PTPN2: variants seen among roughly 807,000 people sequenced by gnomAD.
PTPN2 encodes the protein protein tyrosine phosphatase non-receptor type 2, also known as tyrosine-protein phosphatase non-receptor type 2.
A neutral mutation model predicts 57.3 loss-of-function variants in PTPN2; 19 were observed. That is an observed-to-expected ratio of 0.33 (90% CI 0.23 to 0.49). PTPN2 has a LOEUF of 0.49. Among genes scored for constraint, PTPN2 ranks in the 20% least tolerant of loss-of-function variants. The probability of loss-of-function intolerance (pLI) is 0.99; values close to 1 mark genes in which losing one functional copy is unlikely to be tolerated. For synonymous variants in PTPN2, 153 were observed against 164.9 expected, an observed-to-expected ratio of 0.93 and a Z score of 0.55; for missense variants, 358 against 501.1, an observed-to-expected ratio of 0.71 and a Z score of 2.73.
intron 2 of PTPN2, among the ~76,000 whole-genome samples, chr18:12,848,520 G>A (rs1036672019): frequency 6.6e-6 from 1 of 152,222 alleles, no homozygotes; most frequent in African/African-American, 2.4e-5. Context: ...TGAAGCTTCT[G>A]CCTTGCTCTC....
chr18:12,851,020 G>T (rs574577574), intron 2 of PTPN2, among the ~76,000 whole-genome samples: 1 of 152,198 alleles, frequency 6.6e-6, no homozygotes, highest in African/African-American at 2.4e-5. Context: ...GATTACAGGC[G>T]TGAGCCACAG....
At chr18:12,853,459 T>G (rs487273) in intron 2 of PTPN2, among the ~76,000 whole-genome samples, 118,744 of 152,130 alleles carry the variant, frequency 0.78, 47,080 homozygotes, top group Middle Eastern at 0.87. Flanking sequence ...ATTTTTAAAT[T>G]ACATAATGAC....
intron 2 of PTPN2, among the ~76,000 whole-genome samples, chr18:12,847,769 C>G (rs1311193418): frequency 6.6e-6 from 1 of 151,762 alleles, no homozygotes; most frequent in African/African-American, 2.4e-5. Context: ...ATTACAGATG[C>G]CAGCCACCAC....
chr18:12,793,315 T>G lies in PTPN2; in HGVS notation c.*963A>C. 3 of 975,042 alleles carry G rather than the reference T, an allele frequency of 3.1e-6. No individual in the cohort carries two copies. The highest frequency in any genetic ancestry group is 3.7e-6 in the Non-Finnish European group (3 of 820,032). 60.4% of individuals were successfully genotyped at this position (975,042 alleles called of 1,614,324 possible). A position where few individuals can be genotyped will look rare whatever the true frequency, so the allele number is the denominator to read the frequency against. ...AACTGAAAAGTGTTTACTTCAAAAC[T>G]TCAGTCTAGTAAACTGAAATTATGA... On this transcript the variant is annotated 3_prime_UTR_variant, in exon 9 of 9. Transcript: ENST00000309660.
In PTPN2 at chr18:12,826,317, C is replaced by T. The variant is rs566961061; in HGVS notation, c.361-373G>A. 1.1e-4 allele frequency among the ~76,000 whole-genome samples: 17 copies of T among 152,162 alleles called. No individual in the cohort carries two copies. In the South Asian group the frequency reaches 2.3e-3, roughly 20 times the overall value. On this transcript the variant is annotated intron_variant, in intron 4 of 8. Coordinates refer to ENST00000309660, the MANE Select transcript of PTPN2 (RefSeq NM_002828.4). ...ACTTGTGAGAGTGAGGCAGGAGAAT[C>T]GCTTGAACCCAGGAGGTGGAGGTTG...
At chr18:12,878,993 G>C (rs187782299) in intron 1 of PTPN2, among the ~76,000 whole-genome samples, 5 of 152,276 alleles carry the variant, frequency 3.3e-5, no homozygotes, top group South Asian at 4.1e-4. Context: ...CCTTCTCTCT[G>C]CCTTTCTCAA....
intron 4 of PTPN2, 129 bp downstream of exon 4, chr18:12,830,814 A>G (rs2042641782): frequency 4.9e-6 from 3 of 607,538 alleles, no homozygotes; most frequent in African/African-American, 3.7e-5. Context: ...GGACAGAAAC[A>G]CTTTGACCGC....
chr18:12,826,530 C>T (rs2042466592), intron 4 of PTPN2, among the ~76,000 whole-genome samples: 1 of 152,162 alleles, frequency 6.6e-6, no homozygotes, highest in Non-Finnish European at 1.5e-5. Flanking sequence ...ATTCCCACTC[C>T]AAGCCACAGG....
At chr18:12,878,477 C>T (rs1363697791) in intron 1 of PTPN2, among the ~76,000 whole-genome samples, 1 of 151,998 alleles carries the variant, frequency 6.6e-6, no homozygotes. Context: ...CAAGACCAGC[C>T]TGACAAACAT....
intron 1 of PTPN2, among the ~76,000 whole-genome samples, chr18:12,870,370 T>C (rs887910770): frequency 1.5e-5 from 1 of 68,208 alleles, no homozygotes; most frequent in African/African-American, 1.1e-4. Flanking sequence ...TATGTGTATA[T>C]ATACATATAT....
Position 12,817,216 on chromosome 18 carries a change from G to A in PTPN2, c.645C>T (p.His215=), listed in dbSNP as rs1180798384. 1 of 1,614,084 alleles carries A rather than the reference G, an allele frequency of 6.2e-7. No homozygotes were observed. Among genetic ancestry groups the A allele is most frequent in the Non-Finnish European group, 8.5e-7 (1 of 1,180,034 alleles). Residue 215 remains histidine, a synonymous_variant, in exon 6 of 9, where the codon CAC becomes CAT. Coordinates refer to ENST00000309660, the MANE Select transcript of PTPN2 (RefSeq NM_002828.4). ...LNPDHGPAVI[H]CSAGIGRSGT... ...CAGAGCGCCCAATGCCTGCACTACAGTGGATCACCGCAGGCCCATGGTCAG... is the reference window on the plus strand; with the variant it reads ...CAGAGCGCCCAATGCCTGCACTACAATGGATCACCGCAGGCCCATGGTCAG...
chr18:12,849,062 A>T (rs575075), intron 2 of PTPN2, among the ~76,000 whole-genome samples: 6,542 of 152,284 alleles, frequency 0.043, 493 homozygotes, highest in African/African-American at 0.15. Context: ...CCTTGTTCCC[A>T]ATATTTTTTT....
intron 4 of PTPN2, among the ~76,000 whole-genome samples, chr18:12,829,194 A>G (rs2042581261): frequency 1.3e-5 from 2 of 151,958 alleles, no homozygotes; most frequent in Admixed American, 1.3e-4. Context: ...CACTGCACCC[A>G]GCCAAGGAAA....
In PTPN2 at chr18:12,859,587, T is replaced by C. The variant is rs140037326; in HGVS notation, c.70-333A>G. On this transcript the variant is annotated intron_variant, in intron 1 of 8. Transcript: ENST00000309660. ...TGTTTACTTACTGCTAATTAGGCTC[T>C]ATTCAACACCTACAAGCAAGCATCA... is the stretch of plus-strand genomic sequence containing the variant. Among the ~76,000 whole-genome samples the C allele has an allele frequency of 9.1e-4, 138 of 152,332 alleles. No homozygotes were observed. In the Middle Eastern group the frequency reaches 0.01, roughly 11 times the overall value.
chr18:12,812,020 C>G (rs1446928425), intron 7 of PTPN2, among the ~76,000 whole-genome samples: 1 of 152,122 alleles, frequency 6.6e-6, no homozygotes, highest in Admixed American at 6.6e-5. Flanking sequence ...ACATTTAATA[C>G]TTTATTAGTA....
intron 1 of PTPN2, among the ~76,000 whole-genome samples, chr18:12,877,089 G>A (rs1252569936): frequency 6.6e-6 from 1 of 152,184 alleles, no homozygotes; most frequent in Non-Finnish European, 1.5e-5. Context: ...TTGGCCCAGT[G>A]TTTCCTCAGC....
intron 7 of PTPN2, among the ~76,000 whole-genome samples, chr18:12,808,021 AAAAATTT>A: frequency 6.6e-6 from 1 of 152,004 alleles, no homozygotes; most frequent in East Asian, 1.9e-4. Context: ...CAGTCTCTAC[AAAAATTT>A]AAAAATTAGC....
chr18:12,797,098 C>G (rs1039068125), intron 8 of PTPN2, among the ~76,000 whole-genome samples: 1 of 152,090 alleles, frequency 6.6e-6, no homozygotes, highest in African/African-American at 2.4e-5. Context: ...ATTGAAAATT[C>G]ACTATCACAA....
At chr18:12,800,565 A>G (rs1277194186) in intron 8 of PTPN2, among the ~76,000 whole-genome samples, 1 of 152,154 alleles carries the variant, frequency 6.6e-6, no homozygotes, top group Non-Finnish European at 1.5e-5. Flanking sequence ...AAACTCTTCC[A>G]CTATAATATA....
Sources: allele counts gnomAD v4.1 joint callset (sites outside exome capture counted in the v4.1 genomes callset), GRCh38; gene constraint gnomAD v4.1.1; transcripts MANE v1.5; gene names NCBI Gene and HGNC (gene_info 2026-07-23, HGNC 2026-07-21).